The following MEGF6 variants were observed in gnomAD, a reference collection of about 807,000 sequenced individuals.
MEGF6 encodes the protein multiple EGF like domains 6.
In MEGF6, 184 loss-of-function variants were observed where a neutral mutation model predicts 207.1. That is an observed-to-expected ratio of 0.89 (90% CI 0.79 to 1.00). The LOEUF (loss-of-function observed/expected upper bound fraction) is 1.00. MEGF6 is among the 50% of genes least tolerant of loss of function. The probability of loss-of-function intolerance (pLI) is 0.00; values close to 1 mark genes in which losing one functional copy is unlikely to be tolerated. For missense variants in MEGF6, 2,282 were observed against 2,202.9 expected (o/e 1.04, Z -0.72); for synonymous variants, 1,038 against 910.0 (o/e 1.14, Z -2.53).
At chr1:3,516,410 T>A (rs1353514840) in intron 5 of MEGF6, among the ~76,000 whole-genome samples, 1 of 152,212 alleles carries the variant, frequency 6.6e-6, no homozygotes, top group Non-Finnish European at 1.5e-5. Context: ...GCCGCAAGAA[T>A]GTGCTGTTGC....
chr1:3,560,019 G>GAAAA lies in MEGF6; in HGVS notation c.481+19802_481+19805dup, dbSNP rs56851590. 2.1e-5 allele frequency among the ~76,000 whole-genome samples: 2 copies of GAAAA among 97,486 alleles called. No individual in the cohort carries two copies. The highest frequency in any genetic ancestry group is 4.3e-5 in the Non-Finnish European group (2 of 47,000). The allele number at this position is 97,486 out of a possible 152,430, so 64.0% of individuals were successfully genotyped here. ...TATGAGAGTCCGTCTCAAAATAAAA[G>GAAAA]AAAAAAAAAAAAAAAAAGGAAACAC... On this transcript the variant is annotated intron_variant, in intron 4 of 36. Coordinates refer to ENST00000356575, the MANE Select transcript of MEGF6 (RefSeq NM_001409.4). This position sits in a 1 kb window ranked among gnomAD's most constrained non-coding sequence, Gnocchi z 4.0.
intron 15 of MEGF6, 105 bp downstream of exon 15, chr1:3,506,003 G>A (rs946503589): frequency 1.4e-6 from 2 of 1,425,540 alleles, no homozygotes; most frequent in African/African-American, 2.9e-5. Context: ...ACCTGGCTGG[G>A]CCCCGATAGC....
chr1:3,566,175 A>G (rs1250929343), intron 4 of MEGF6, among the ~76,000 whole-genome samples: 1 of 152,224 alleles, frequency 6.6e-6, no homozygotes, highest in East Asian at 1.9e-4. Flanking sequence ...GCCTGGCCTC[A>G]GTGATGCTGC....
In MEGF6 at chr1:3,560,805, G is replaced by A. The variant is rs749999948; in HGVS notation, c.481+19020C>T. On this transcript the variant is annotated intron_variant, in intron 4 of 36. Coordinates refer to ENST00000356575, the MANE Select transcript of MEGF6 (RefSeq NM_001409.4). The surrounding 1 kb of genome is among the most constrained non-coding windows in gnomAD (Gnocchi z 4.0). The stretch of plus-strand genomic sequence containing the variant: ...CGGCAGTCCCCTCTGGCAGCCACCG[G>A]AGCAGCCAGGAACAGCCTCAGGCGT... 2.1e-6 allele frequency: 1 copy of A among 467,864 alleles called. No homozygotes were observed. The highest frequency in any genetic ancestry group is 3.4e-4 in the Middle Eastern group (1 of 2,960). 29.0% of individuals were successfully genotyped at this position (467,864 alleles called of 1,614,324 possible).
chr1:3,512,162 G>C (rs773291877), intron 7 of MEGF6, 34 bp from the exon 8 acceptor site: 1 of 1,570,900 alleles, frequency 6.4e-7, no homozygotes, highest in Non-Finnish European at 8.7e-7. Flanking sequence ...GGGCTCAGAG[G>C]TGCCAGGAAG....
rs532124494 is a variant in MEGF6, at chr1:3,515,119, C to G, written c.730+283G>C. Reference sequence around the variant, plus strand: ...GAGTCTGCCGCACCGTCACCATCAGCAAAGCCCCCCCTTTCCACGCAAGCA... The same window carrying G: ...GAGTCTGCCGCACCGTCACCATCAGGAAAGCCCCCCCTTTCCACGCAAGCA... On this transcript the variant is annotated intron_variant, in intron 6 of 36. Coordinates refer to ENST00000356575, the MANE Select transcript of MEGF6 (RefSeq NM_001409.4). Among the ~76,000 whole-genome samples, 3 of 152,342 alleles carry G rather than the reference C, an allele frequency of 2.0e-5. No individual in the cohort carries two copies. In the South Asian group the frequency reaches 6.2e-4, roughly 32 times the overall value.
At chr1:3,511,205 G>C (rs1018289134) in intron 9 of MEGF6, among the ~76,000 whole-genome samples, 1 of 152,258 alleles carries the variant, frequency 6.6e-6, no homozygotes, top group Non-Finnish European at 1.5e-5. Context: ...TGGGGCTAGA[G>C]GGTGGGGACT....
the MEGF6 span, among the ~76,000 whole-genome samples, chr1:3,622,874 G>T: frequency 6.6e-6 from 1 of 152,170 alleles, no homozygotes; most frequent in Non-Finnish European, 1.5e-5. Context: ...AGTGAAATTT[G>T]TTTATTGTCT....
intron 2 of MEGF6, among the ~76,000 whole-genome samples, chr1:3,597,824 T>C (rs1644092562): frequency 6.6e-6 from 1 of 152,030 alleles, no homozygotes; most frequent in African/African-American, 2.4e-5. Flanking sequence ...AGCCCTGCTG[T>C]TTTGAAGCCA....
At chr1:3,572,678 T>A (rs1643538811) in intron 4 of MEGF6, among the ~76,000 whole-genome samples, 2 of 130,038 alleles carry the variant, frequency 1.5e-5, no homozygotes. Context: ...TCCTCCCAGG[T>A]GTGCTGGGTC....
At chr1:3,506,079 T>C in intron 15 of MEGF6, 29 bp downstream of exon 15, 2 of 1,569,898 alleles carry the variant, frequency 1.3e-6, no homozygotes, top group Non-Finnish European at 1.7e-6. Context: ...GCCACCACCA[T>C]GGACACTGGA....
intron 7 of MEGF6, among the ~76,000 whole-genome samples, chr1:3,513,769 T>C (rs1030798502): frequency 1.3e-5 from 2 of 150,784 alleles, no homozygotes; most frequent in African/African-American, 2.4e-5. Context: ...AAAAAAAAAA[T>C]TGTTTAGAGA....
intron 4 of MEGF6, among the ~76,000 whole-genome samples, chr1:3,574,567 TTGAC>T (rs1643589876): frequency 1.8e-5 from 2 of 109,524 alleles, no homozygotes; most frequent in Admixed American, 2.0e-4. Context: ...ATCTGCCCCT[TTGAC>T]TGGTGCCGGG....
chr1:3,499,160 C>T lies in MEGF6; in HGVS notation c.3072G>A (p.Trp1024Ter), dbSNP rs1182548009. Residue 1024 changes from tryptophan (W) to a stop codon, truncating the protein, a stop_gained, in exon 24 of 37, where the codon TGG becomes TGA. Coordinates refer to ENST00000356575, the MANE Select transcript of MEGF6 (RefSeq NM_001409.4). LOFTEE classifies it high-confidence loss of function. ...TACCCTGCAGGCAGGAGGGCCCCAT[C>T]CAGCCAGGGGCACAGTGGCACTGCC... ...VHGQCHCAPG[W>*]MGPSCLQACP... The T allele has an allele frequency of 1.2e-6, 2 of 1,604,372 alleles. No homozygotes were observed. Among genetic ancestry groups the T allele is most frequent in the Non-Finnish European group, 1.7e-6 (2 of 1,176,788 alleles).
In MEGF6 at chr1:3,488,185, C is replaced by T. The variant is rs1292489338; in HGVS notation, c.*2343G>A. Among the ~76,000 whole-genome samples, 1 of 152,112 alleles carries T rather than the reference C, an allele frequency of 6.6e-6. No homozygotes were observed. Among genetic ancestry groups the T allele is most frequent in the African/African-American group, 2.4e-5 (1 of 41,410 alleles). On this transcript the variant is annotated 3_prime_UTR_variant, in exon 37 of 37. Transcript: ENST00000356575. ...TTGTTTTTCCGTCGTCATTTGTAAC[C>T]GTTAACATTAGGATCTGTGAGCGTG...
Position 3,505,270 on chromosome 1 carries a change from G to T in MEGF6, c.2126C>A (p.Ser709Tyr). 6.2e-7 allele frequency: 1 copy of T among 1,612,558 alleles called. No individual in the cohort carries two copies. Among genetic ancestry groups the T allele is most frequent in the South Asian group, 1.1e-5 (1 of 91,086 alleles). ...CTCPVGVACD[S>Y]VSGECGKRCP... ...CCGCTTCCCACACTCGCCGCTCACG[G>T]AGTCACAGGCCACGCCCACTGGGCA... The change falls in exon 17 of 37, where the codon TCC becomes TAC. Residue 709 changes from serine to tyrosine, a missense_variant. By Grantham distance (144) the Ser-to-Tyr change is moderately radical. Coordinates refer to ENST00000356575, the MANE Select transcript of MEGF6 (RefSeq NM_001409.4).
At chr1:3,572,886 T>C (rs1315459839) in intron 4 of MEGF6, among the ~76,000 whole-genome samples, 1 of 118,342 alleles carries the variant, frequency 8.5e-6, no homozygotes, top group African/African-American at 3.4e-5. Context: ...GCTGGGTCCT[T>C]CCTGGGTGTG....
chr1:3,527,950 G>A (rs971937533), intron 4 of MEGF6, among the ~76,000 whole-genome samples: 7 of 152,234 alleles, frequency 4.6e-5, no homozygotes, highest in Non-Finnish European at 1.0e-4. Context: ...GGCCCAGGTC[G>A]GCTAGGCCAA....
At chr1:3,530,842 G>A (rs886969251) in intron 4 of MEGF6, among the ~76,000 whole-genome samples, 4 of 152,204 alleles carry the variant, frequency 2.6e-5, no homozygotes, top group Middle Eastern at 3.2e-3. Context: ...TCCGGTCAAG[G>A]GACCTGGCTG....
Sources: gnomAD v4.1 joint callset for allele counts (sites outside exome capture counted in the v4.1 genomes callset) on GRCh38, gnomAD v4.1.1 for gene constraint, Gnocchi (gnomAD v3.1) non-coding constraint, MANE v1.5 for transcripts, NCBI Gene and HGNC (gene_info 2026-07-23, HGNC 2026-07-21) for gene names.